IGSF5: variants seen among roughly 807,000 people sequenced by gnomAD.
The protein encoded by IGSF5 is immunoglobulin superfamily 5 like.
In IGSF5, 41 loss-of-function variants were observed where a neutral mutation model predicts 39.4. The observed-to-expected ratio is 1.04, with a 90% CI of 0.81 to 1.35. The LOEUF (loss-of-function observed/expected upper bound fraction) is 1.35, where lower values mean the gene tolerates loss of function less well. Ranked by LOEUF, IGSF5 falls within the 40% of genes most tolerant of loss-of-function variation. The probability of loss-of-function intolerance (pLI) is 0.00; values close to 1 mark genes in which losing one functional copy is unlikely to be tolerated. For missense variants in IGSF5, 487 were observed against 494.6 expected (o/e 0.98, Z 0.15); for synonymous variants, 183 against 175.3 (o/e 1.04, Z -0.34).
At chr21:39,765,958 A>C (rs865976495) in intron 3 of IGSF5, 106 bp downstream of exon 3, 1 of 1,031,810 alleles carries the variant, frequency 9.7e-7, no homozygotes, top group Non-Finnish European at 1.4e-6. Flanking sequence ...GTCTACCTTC[A>C]GTTGGTGTTG....
the IGSF5 span, among the ~76,000 whole-genome samples, chr21:39,718,674 C>G: frequency 2.0e-5 from 3 of 152,246 alleles, no homozygotes; most frequent in Admixed American, 6.5e-5. Context: ...TATGTTGAAC[C>G]AGGCTTGCAT....
At chr21:39,735,508 A>C in the IGSF5 span, among the ~76,000 whole-genome samples, 1 of 152,240 alleles carries the variant, frequency 6.6e-6, no homozygotes, top group Admixed American at 6.5e-5. Flanking sequence ...TTTTCTAAAT[A>C]TTCTACAGGA....
intron 5 of IGSF5, among the ~76,000 whole-genome samples, chr21:39,784,303 T>G (rs962325613): frequency 2.0e-5 from 3 of 152,212 alleles, no homozygotes; most frequent in Admixed American, 6.5e-5. Context: ...CTTCAGAACA[T>G]TATTTCTAAC....
intron 3 of IGSF5, 43 bp downstream of exon 3, chr21:39,765,895 C>A: frequency 6.4e-7 from 1 of 1,567,212 alleles, no homozygotes; most frequent in South Asian, 1.2e-5. Context: ...GGTTAAATGT[C>A]AGAGGGCAGG....
At chr21:39,767,040 TTTA>T (rs2080090650) in intron 3 of IGSF5, among the ~76,000 whole-genome samples, 1 of 152,236 alleles carries the variant, frequency 6.6e-6, no homozygotes. Context: ...TTTTGTGTAG[TTTA>T]ATTAGGGGCA....
chr21:39,730,840 T>A, the IGSF5 span, among the ~76,000 whole-genome samples: 1 of 152,248 alleles, frequency 6.6e-6, no homozygotes, highest in Non-Finnish European at 1.5e-5. Context: ...CAAGGCCCCT[T>A]TGAGTTTGCT....
At chr21:39,779,657 C>A (rs534464211) in intron 5 of IGSF5, among the ~76,000 whole-genome samples, 1 of 152,164 alleles carries the variant, frequency 6.6e-6, no homozygotes, top group Admixed American at 6.5e-5. Flanking sequence ...AACCTATGTA[C>A]ATCAATAGAT....
At chr21:39,785,074 A>T (rs1474449828) in intron 5 of IGSF5, among the ~76,000 whole-genome samples, 2 of 151,130 alleles carry the variant, frequency 1.3e-5, no homozygotes, top group Non-Finnish European at 2.9e-5. Flanking sequence ...GTTTTAGGGT[A>T]CATGTGCACA....
At chr21:39,773,105 T>A (rs937617964) in intron 4 of IGSF5, among the ~76,000 whole-genome samples, 2 of 152,194 alleles carry the variant, frequency 1.3e-5, no homozygotes, top group African/African-American at 4.8e-5. Flanking sequence ...ATTAGTTATT[T>A]TTCCTGCTTC....
At chr21:39,737,835 A>G in the IGSF5 span, among the ~76,000 whole-genome samples, 1 of 152,226 alleles carries the variant, frequency 6.6e-6, no homozygotes, top group Non-Finnish European at 1.5e-5. Context: ...CTCTCTCTGC[A>G]GCATTCCTTC....
At chr21:39,756,584 A>T (rs2080031567) in intron 2 of IGSF5, among the ~76,000 whole-genome samples, 1 of 152,184 alleles carries the variant, frequency 6.6e-6, no homozygotes, top group African/African-American at 2.4e-5. Context: ...ATGTGTGTAG[A>T]TGCCAAAGCT....
chr21:39,723,882 C>G, the IGSF5 span, among the ~76,000 whole-genome samples: 2 of 152,028 alleles, frequency 1.3e-5, no homozygotes, highest in African/African-American at 4.8e-5. Flanking sequence ...CATGGTGGCT[C>G]ATGCCTGTAA....
intron 4 of IGSF5, among the ~76,000 whole-genome samples, chr21:39,777,500 G>T (rs909453539): frequency 4.0e-4 from 61 of 152,156 alleles, no homozygotes; most frequent in African/African-American, 1.5e-3. Flanking sequence ...TGAAGGGTCT[G>T]CCTTGTGTTA....
At chr21:39,799,958 T>C (rs2146298126) in intron 8 of IGSF5, among the ~76,000 whole-genome samples, 1 of 152,340 alleles carries the variant, frequency 6.6e-6, no homozygotes, top group South Asian at 2.1e-4. Context: ...ATTTCTCTGA[T>C]GACTGAATCT....
intron 4 of IGSF5, among the ~76,000 whole-genome samples, chr21:39,774,890 CT>C (rs1215078181): frequency 6.6e-5 from 10 of 152,200 alleles, no homozygotes; most frequent in Non-Finnish European, 5.9e-5. Flanking sequence ...GATGGTGCAA[CT>C]TTGGGCAAGT....
At chr21:39,799,789 A>G (rs1457774252) in intron 8 of IGSF5, among the ~76,000 whole-genome samples, 1 of 152,146 alleles carries the variant, frequency 6.6e-6, no homozygotes, top group Non-Finnish European at 1.5e-5. Flanking sequence ...CATATTTTAG[A>G]TGGGTCCTAA....
chr21:39,714,094 T>C, the IGSF5 span, among the ~76,000 whole-genome samples: 8 of 152,342 alleles, frequency 5.3e-5, no homozygotes, highest in African/African-American at 1.9e-4. Context: ...CTGCTCCTAC[T>C]CCTCTCTGCT....
chr21:39,791,573 C>T (rs1392784714), intron 6 of IGSF5: 1 of 153,734 alleles, frequency 6.5e-6, no homozygotes, highest in African/African-American at 2.4e-5. Flanking sequence ...CATGAGGACT[C>T]AACTCTGCTG....
the IGSF5 span, among the ~76,000 whole-genome samples, chr21:39,734,721 G>A: frequency 2.0e-5 from 3 of 152,068 alleles, no homozygotes; most frequent in Admixed American, 6.5e-5. Context: ...ACTGAATTTC[G>A]TCTGTGGGAA....
Sources: gnomAD v4.1 joint callset for allele counts (sites outside exome capture counted in the v4.1 genomes callset) on GRCh38, gnomAD v4.1.1 for gene constraint, MANE v1.5 for transcripts, NCBI Gene and HGNC (gene_info 2026-07-23, HGNC 2026-07-21) for gene names.